The following MAML3 variants were observed in gnomAD, a reference collection of about 807,000 sequenced individuals.
The protein encoded by MAML3 is mastermind-like protein 3.
A neutral mutation model predicts 101.9 loss-of-function variants in MAML3; 27 were observed. The observed-to-expected ratio is 0.27, with a 90% confidence interval of 0.20 to 0.37. MAML3 has a LOEUF of 0.37. MAML3 is among the 10% of genes least tolerant of loss of function. The pLI, the probability that MAML3 is intolerant of heterozygous loss-of-function variation, is 1.00. For missense variants in MAML3, 1,316 were observed against 1,444.9 expected (o/e 0.91, Z 1.45); for synonymous variants, 501 against 555.9 (o/e 0.90, Z 1.39).
chr4:139,817,645 C>T (rs1730912474), intron 2 of MAML3, among the ~76,000 whole-genome samples: 1 of 152,172 alleles, frequency 6.6e-6, no homozygotes, highest in Non-Finnish European at 1.5e-5. Flanking sequence ...CACATCTACT[C>T]CCCTCCATCA....
At chr4:140,117,760 T>C (rs1047025999) in intron 1 of MAML3, among the ~76,000 whole-genome samples, 2 of 151,846 alleles carry the variant, frequency 1.3e-5, no homozygotes, top group Admixed American at 6.6e-5. Flanking sequence ...CTCATAAAAA[T>C]ACAAATAAAA....
chr4:139,890,521 A>G lies in MAML3; in HGVS notation c.915T>C (p.Asn305=). The change falls in exon 2 of 5, where the codon AAT becomes AAC. Residue 305 remains asparagine (N), a synonymous_variant. Transcript: ENST00000509479. The surrounding 1 kb of genome is among the most constrained non-coding windows in gnomAD (Gnocchi z 4.1). ...QNKLFSDINL[N]DQEWQELIDE... ...CTATTAATTCTTGCCACTCCTGATC[A>G]TTCAGATTAATGTCTGAGAACAGCT... 1 of 1,614,042 alleles carries G rather than the reference A, an allele frequency of 6.2e-7. No individual in the cohort carries two copies. The highest frequency in any genetic ancestry group is 8.5e-7 in the Non-Finnish European group (1 of 1,179,896).
chr4:140,098,011 A>G (rs1212459478), intron 1 of MAML3, among the ~76,000 whole-genome samples: 1 of 152,226 alleles, frequency 6.6e-6, no homozygotes, highest in Admixed American at 6.5e-5. Context: ...GTTTTTCTCC[A>G]CTACGAAGTA....
intron 1 of MAML3, among the ~76,000 whole-genome samples, chr4:140,093,513 T>C (rs551561934): frequency 6.1e-4 from 91 of 149,692 alleles, no homozygotes; most frequent in African/African-American, 2.1e-3. Flanking sequence ...GCCTTCCGGG[T>C]TCATGCCATT....
chr4:140,059,137 T>TA (rs893618943), intron 1 of MAML3, among the ~76,000 whole-genome samples: 13 of 152,174 alleles, frequency 8.5e-5, no homozygotes, highest in African/African-American at 2.2e-4. Context: ...TACTTTCATT[T>TA]AAAAAAAATC....
chr4:139,931,967 C>T (rs935658174), intron 1 of MAML3, among the ~76,000 whole-genome samples: 1 of 151,758 alleles, frequency 6.6e-6, no homozygotes, highest in Admixed American at 6.6e-5. Context: ...TGCAGTGAGC[C>T]GAGATGGTGC....
intron 2 of MAML3, among the ~76,000 whole-genome samples, chr4:139,862,086 G>C (rs1054108552): frequency 5.9e-5 from 9 of 152,174 alleles, no homozygotes; most frequent in African/African-American, 1.9e-4. Flanking sequence ...GCAGGCACCT[G>C]TAATCCCAGC....
rs192037547 is a variant in MAML3, at chr4:140,121,035, T to A, written c.468+31825A>T. 1.4e-3 allele frequency among the ~76,000 whole-genome samples: 210 copies of A among 152,226 alleles called. 2 individuals carry two copies. Among genetic ancestry groups the A allele is most frequent in the African/African-American group, 4.8e-3 (198 of 41,530 alleles). On this transcript the variant is annotated intron_variant, in intron 1 of 4. Transcript: ENST00000509479. The stretch of plus-strand genomic sequence containing the variant: ...GCACTTTTCTAAGTTTACAGAAGAG[T>A]TGTTTCACTGAAAATTCTGCCAGTG...
At chr4:139,896,320 A>G (rs1248410131) in intron 1 of MAML3, among the ~76,000 whole-genome samples, 4 of 152,198 alleles carry the variant, frequency 2.6e-5, no homozygotes, top group Non-Finnish European at 5.9e-5. Context: ...TGCCTCGCAA[A>G]GCCCGAAGCC....
chr4:139,969,057 A>C (rs1021454824), intron 1 of MAML3, among the ~76,000 whole-genome samples: 7 of 151,878 alleles, frequency 4.6e-5, no homozygotes, highest in Admixed American at 4.6e-4. Flanking sequence ...GAAGGGATGG[A>C]GATGGAGCAA....
chr4:139,936,341 C>T (rs1001959290), intron 1 of MAML3, among the ~76,000 whole-genome samples: 2 of 152,152 alleles, frequency 1.3e-5, no homozygotes, highest in Non-Finnish European at 2.9e-5. Context: ...GTGAATAATG[C>T]TGCAGTTAAC....
chr4:140,135,014 G>T (rs572564563), intron 1 of MAML3, among the ~76,000 whole-genome samples: 27 of 152,248 alleles, frequency 1.8e-4, no homozygotes, highest in Non-Finnish European at 2.1e-4. Flanking sequence ...AACCAGAATG[G>T]GTGTCCATAA....
At chr4:140,060,379 A>AAAAAAAAAAAAAAAAAAAAAAAAAC (rs1371693672) in intron 1 of MAML3, among the ~76,000 whole-genome samples, 1 of 147,568 alleles carries the variant, frequency 6.8e-6, no homozygotes, top group Non-Finnish European at 1.5e-5. Context: ...AAAAAAAAAA[A>AAAAAAAAAAAAAAAAAAAAAAAAAC]AAAAAAGTCA....
intron 1 of MAML3, among the ~76,000 whole-genome samples, chr4:139,972,219 C>T (rs1433587403): frequency 2.0e-5 from 3 of 152,114 alleles, no homozygotes; most frequent in African/African-American, 7.2e-5. Context: ...TCCCTCCTTC[C>T]CCCACCACTC....
At position 139,776,760 on chromosome 4, in the gene MAML3, T is replaced by TTCCATGGGAAAAGGACATAA. The variant is rs11271622; in HGVS notation, c.2080-46094_2080-46093insTTATGTCCTTTTCCCATGGA. On this transcript the variant is annotated intron_variant, in intron 2 of 4. Transcript: ENST00000509479. Reference sequence around the variant, plus strand: ...GGGCCAAGGATCAGCCAGATATGGCTTCCTGGGATGGCTTAGAAAAAGAGT... The same window carrying TTCCATGGGAAAAGGACATAA: ...GGGCCAAGGATCAGCCAGATATGGCTTCCATGGGAAAAGGACATAATCCTGGGATGGCTTAGAAAAAGAGT... Among the ~76,000 whole-genome samples, 94 of 151,974 alleles carry TTCCATGGGAAAAGGACATAA rather than the reference T, an allele frequency of 6.2e-4. 4 individuals are homozygous for TTCCATGGGAAAAGGACATAA. Among genetic ancestry groups the TTCCATGGGAAAAGGACATAA allele is most frequent in the Non-Finnish European group, 4.4e-5 (3 of 67,966 alleles).
intron 2 of MAML3, among the ~76,000 whole-genome samples, chr4:139,825,235 G>A (rs1184283869): frequency 6.6e-6 from 1 of 152,182 alleles, no homozygotes; most frequent in Non-Finnish European, 1.5e-5. Context: ...AAGAGGAAAG[G>A]GAAACGGTAT....
intron 1 of MAML3, among the ~76,000 whole-genome samples, chr4:139,948,005 G>A (rs533262574): frequency 6.6e-6 from 1 of 152,200 alleles, no homozygotes; most frequent in Admixed American, 6.5e-5. Context: ...GGAGGCTGAG[G>A]CAGGAGAATC....
chr4:140,145,406 G>A (rs1327410300), intron 1 of MAML3, among the ~76,000 whole-genome samples: 2 of 152,190 alleles, frequency 1.3e-5, no homozygotes, highest in Non-Finnish European at 2.9e-5. Context: ...ATGAATGTTA[G>A]TTATTAGCAT....
chr4:139,765,593 G>T (rs1729840856), intron 2 of MAML3, among the ~76,000 whole-genome samples: 1 of 152,192 alleles, frequency 6.6e-6, no homozygotes, highest in South Asian at 2.1e-4. Flanking sequence ...GGAGAATGTA[G>T]TAAATGGCAA....
Sources: gnomAD v4.1 joint callset for allele counts (sites outside exome capture counted in the v4.1 genomes callset) on GRCh38, gnomAD v4.1.1 for gene constraint, Gnocchi (gnomAD v3.1) non-coding constraint, MANE v1.5 for transcripts, NCBI Gene and HGNC (gene_info 2026-07-23, HGNC 2026-07-21) for gene names.